The following GDAP1 variants were observed in gnomAD, a reference collection of about 807,000 sequenced individuals.
GDAP1 encodes ganglioside induced differentiation associated protein 1, also known as ganglioside-induced differentiation-associated protein 1.
Under a neutral mutation model 40.1 loss-of-function variants are expected in GDAP1, and 34 were observed. That is an observed-to-expected ratio of 0.85 (90% CI 0.64 to 1.13). GDAP1 has a LOEUF of 1.13. GDAP1 is among the 50% of genes most tolerant of loss of function. The pLI is 0.00. For synonymous variants in GDAP1, 170 were observed against 157.4 expected, an observed-to-expected ratio of 1.08 and a Z score of -0.60; for missense variants, 374 against 433.7, an observed-to-expected ratio of 0.86 and a Z score of 1.22.
In GDAP1 at chr8:74,353,472, A is replaced by T. The variant is rs140071573; in HGVS notation, c.310+2006A>T. ...GTTATATAAATCGAGGTCAAGAAGA[A>T]GTTTATCTCAGAGTACTGAAATTTT... On this transcript the variant is annotated intron_variant, in intron 2 of 5. Coordinates refer to ENST00000220822, the MANE Select transcript of GDAP1 (RefSeq NM_018972.4). Among the ~76,000 whole-genome samples the T allele has an allele frequency of 8.5e-5, 13 of 152,144 alleles. No homozygotes were observed. In the East Asian group the frequency reaches 1.5e-3, roughly 18 times the overall value.
chr8:74,478,271 G>A (rs887742596), intron 2 of GDAP1, among the ~76,000 whole-genome samples: 5 of 152,132 alleles, frequency 3.3e-5, no homozygotes, highest in Non-Finnish European at 7.4e-5. Flanking sequence ...TGTTGGTGGG[G>A]AAGGAAAAGT....
rs116398117 is a variant in GDAP1, at chr8:74,405,442, C to T, written c.165+54121C>T. 6.2e-3 allele frequency among the ~76,000 whole-genome samples: 924 copies of T among 150,106 alleles called. 98 individuals carry two copies. Among genetic ancestry groups the T allele is most frequent in the African/African-American group, 0.022 (862 of 39,460 alleles). On this transcript the variant is annotated intron_variant, in intron 2 of 2. Coordinates refer to the GDAP1 transcript ENST00000523640. The stretch of plus-strand genomic sequence containing the variant: ...GTTCAGTGTAGACAAAATTCATTTT[C>T]CAAACATTTTTTATCTGAAGGTGGT...
At chr8:74,432,532 C>G (rs16938905) in intron 2 of GDAP1, among the ~76,000 whole-genome samples, 3 of 151,966 alleles carry the variant, frequency 2.0e-5, no homozygotes, top group African/African-American at 7.3e-5. Flanking sequence ...TCTAGAGTAA[C>G]GTTCCACTCT....
At position 74,426,648 on chromosome 8, in the gene GDAP1, T is replaced by C. The variant is rs531963290; in HGVS notation, c.166-62030T>C. ...TTGTAAAATGATAATGTCTCTTAGA[T>C]TGAATGCTGGCTAGAAGAGCCTTTT... is the stretch of plus-strand genomic sequence containing the variant. On this transcript the variant is annotated intron_variant, in intron 2 of 2. Transcript: ENST00000523640. 4.6e-5 allele frequency among the ~76,000 whole-genome samples: 7 copies of C among 152,370 alleles called. No homozygotes were observed. The South Asian group carries it at 1.2e-3, about 27-fold the overall frequency.
chr8:74,417,166 A>C (rs1438738494), intron 2 of GDAP1, among the ~76,000 whole-genome samples: 1 of 149,696 alleles, frequency 6.7e-6, no homozygotes, highest in Non-Finnish European at 1.5e-5. Context: ...ACATAACCAA[A>C]AGAATTGATG....
intron 2 of GDAP1, among the ~76,000 whole-genome samples, chr8:74,464,922 C>G (rs911400074): frequency 6.6e-6 from 1 of 152,048 alleles, no homozygotes; most frequent in Non-Finnish European, 1.5e-5. Context: ...TTTAAAACAT[C>G]TAAACTTAAG....
At chr8:74,357,763 C>A (rs909915863) in intron 2 of GDAP1, among the ~76,000 whole-genome samples, 2 of 152,148 alleles carry the variant, frequency 1.3e-5, no homozygotes, top group Non-Finnish European at 2.9e-5. Context: ...CTCCCTAATT[C>A]TCTGTCCTGC....
At chr8:74,357,568 G>A (rs1809160213) in intron 2 of GDAP1, among the ~76,000 whole-genome samples, 1 of 152,130 alleles carries the variant, frequency 6.6e-6, no homozygotes, top group Non-Finnish European at 1.5e-5. Flanking sequence ...ATGTCTATCT[G>A]CTGGTTTATA....
At chr8:74,377,518 A>C (rs575082726) in intron 2 of GDAP1, among the ~76,000 whole-genome samples, 3 of 152,232 alleles carry the variant, frequency 2.0e-5, no homozygotes, top group Admixed American at 1.3e-4. Flanking sequence ...CATTATACTA[A>C]CATAGAAACT....
At chr8:74,376,940 T>C (rs1348435822) in intron 2 of GDAP1, 2 of 152,020 alleles carry the variant, frequency 1.3e-5, no homozygotes, top group African/African-American at 4.8e-5. Context: ...AGCATGGGGG[T>C]CGATTCTGTT....
At chr8:74,367,426 G>A (rs1379545088), downstream of GDAP1, among the ~76,000 whole-genome samples, 2 of 151,952 alleles carry the variant, frequency 1.3e-5, no homozygotes, top group African/African-American at 2.4e-5. Flanking sequence ...AGTCTAATTG[G>A]CATTGTTTTC....
chr8:74,418,790 A>G (rs192893165), intron 2 of GDAP1, among the ~76,000 whole-genome samples: 10 of 152,356 alleles, frequency 6.6e-5, no homozygotes, highest in Admixed American at 1.3e-4. Context: ...ATATTCAGCA[A>G]AGGTCATGTA....
intron 2 of GDAP1, among the ~76,000 whole-genome samples, chr8:74,372,653 A>T (rs1262369278): frequency 2.0e-5 from 3 of 152,130 alleles, no homozygotes; most frequent in Admixed American, 6.5e-5. Flanking sequence ...TTCTTTGTAG[A>T]TTCTGGATAT....
chr8:74,479,274 C>T (rs993261992), intron 2 of GDAP1, among the ~76,000 whole-genome samples: 2 of 152,024 alleles, frequency 1.3e-5, no homozygotes, highest in African/African-American at 4.8e-5. Flanking sequence ...CTTTTATTGC[C>T]TTCAAAAGGA....
intron 2 of GDAP1, among the ~76,000 whole-genome samples, chr8:74,387,163 A>G (rs931353124): frequency 1.7e-4 from 26 of 152,172 alleles, no homozygotes; most frequent in African/African-American, 6.3e-4. Context: ...CTATTTGAAT[A>G]CCGTTTATTT....
At chr8:74,351,172 C>T (rs1475134413) in intron 1 of GDAP1, 102 bp from the exon 2 acceptor site, 36 of 889,498 alleles carry the variant, frequency 4.0e-5, no homozygotes, top group Admixed American at 1.0e-4. Flanking sequence ...TTGAAAATGT[C>T]GGTAACACAG....
chr8:74,380,272 G>A (rs1471041926), intron 2 of GDAP1, among the ~76,000 whole-genome samples: 1 of 152,178 alleles, frequency 6.6e-6, no homozygotes, highest in African/African-American at 2.4e-5. Flanking sequence ...TAAAAATATT[G>A]CATTGAAATG....
chr8:74,450,228 T>C (rs1419892721), intron 2 of GDAP1, among the ~76,000 whole-genome samples: 2 of 151,850 alleles, frequency 1.3e-5, no homozygotes, highest in Non-Finnish European at 3.0e-5. Context: ...CTTTGGGCAT[T>C]TATTAAGATG....
At chr8:74,383,996 A>G (rs905906834) in intron 2 of GDAP1, among the ~76,000 whole-genome samples, 3 of 152,194 alleles carry the variant, frequency 2.0e-5, no homozygotes, top group African/African-American at 7.2e-5. Flanking sequence ...TCCAAGGTGC[A>G]GATTTCCTGC....
Sources: allele counts gnomAD v4.1 joint callset (sites outside exome capture counted in the v4.1 genomes callset), GRCh38; gene constraint gnomAD v4.1.1; transcripts MANE v1.5; gene names NCBI Gene and HGNC (gene_info 2026-07-23, HGNC 2026-07-21).